ADAM9: variants seen among roughly 807,000 people sequenced by gnomAD.
The protein encoded by ADAM9 is disintegrin and metalloproteinase domain-containing protein 9.
Under a neutral mutation model 108.1 loss-of-function variants are expected in ADAM9, and 54 were observed. The ratio of observed to expected loss-of-function variants is 0.50; its 90% CI spans 0.40 to 0.63. The LOEUF (loss-of-function observed/expected upper bound fraction) is 0.63, where lower values mean the gene tolerates loss of function less well. ADAM9 is among the 20% of genes least tolerant of loss of function. ADAM9 has a pLI of 0.00. For missense variants in ADAM9, 830 were observed against 997.7 expected (o/e 0.83, Z 2.26); for synonymous variants, 316 against 336.0 (o/e 0.94, Z 0.65).
intron 14 of ADAM9, among the ~76,000 whole-genome samples, chr8:39,062,039 A>G (rs558229331): frequency 2.0e-5 from 3 of 152,276 alleles, no homozygotes; most frequent in East Asian, 1.9e-4. Flanking sequence ...AAGATCGCCA[A>G]TCCCATCATA....
Position 39,051,876 on chromosome 8 carries a change from A to G in ADAM9, c.1303-2605A>G, listed in dbSNP as rs541846228. Among the ~76,000 whole-genome samples the G allele has an allele frequency of 7.2e-5, 11 of 152,152 alleles. No homozygotes were observed. The South Asian group carries it at 8.3e-4, about 11-fold the overall frequency. ...TTAATTACTGTAATTAGTGTTTTCTATTGTAAACAGTGCTGCCGTATACAT... is the reference window on the plus strand; with the variant it reads ...TTAATTACTGTAATTAGTGTTTTCTGTTGTAAACAGTGCTGCCGTATACAT... On this transcript the variant is annotated intron_variant, in intron 12 of 21. Coordinates refer to ENST00000487273, the MANE Select transcript of ADAM9 (RefSeq NM_003816.3).
intron 1 of ADAM9, among the ~76,000 whole-genome samples, chr8:38,998,493 C>T (rs1365690103): frequency 1.3e-5 from 2 of 151,986 alleles, no homozygotes; most frequent in Non-Finnish European, 2.9e-5. Context: ...AGTGGAATAT[C>T]CTGATGGTCT....
At chr8:39,091,210 TAG>T in intron 19 of ADAM9, 47 bp from the exon 20 acceptor site, 2 of 1,532,072 alleles carry the variant, frequency 1.3e-6, no homozygotes, top group South Asian at 2.2e-5. Context: ...ATATTTCATG[TAG>T]AAATGTTTTT....
In ADAM9 at chr8:38,997,154, C is replaced by A; in HGVS notation, c.91C>A (p.Arg31=). 3 of 1,598,878 alleles carry A rather than the reference C, an allele frequency of 1.9e-6. No individual in the cohort carries two copies. The highest frequency in any genetic ancestry group is 2.5e-6 in the Non-Finnish European group (3 of 1,178,658). The change falls in exon 1 of 22, where the codon CGG becomes AGG. Residue 31 remains arginine, a synonymous_variant. Transcript: ENST00000487273. The stretch of plus-strand genomic sequence containing the variant: ...GGTGGGCCCAGTCCTCGGTGCGGCG[C>A]GGCCAGGTGGGTGTCCGCGCCCCGG... ...GLVGPVLGAA[R]PGFQQTSHLS... is the part of the protein sequence containing the mutation.
chr8:39,010,726 A>G (rs1836328183), intron 2 of ADAM9, among the ~76,000 whole-genome samples: 1 of 152,152 alleles, frequency 6.6e-6, no homozygotes, highest in South Asian at 2.1e-4. Flanking sequence ...GGATGTGTAT[A>G]TATGTTACTT....
intron 16 of ADAM9, 150 bp from the exon 17 acceptor site, chr8:39,082,491 T>G (rs1419249566): frequency 1.7e-6 from 1 of 605,518 alleles, no homozygotes; most frequent in Non-Finnish European, 2.8e-6. Context: ...TTTTTCTGCA[T>G]TTTTAAAAAT....
Position 39,103,665 on chromosome 8 carries a change from G to C in ADAM9, c.2425G>C (p.Ala809Pro). The change falls in exon 22 of 22, where the codon GCT (alanine) becomes CCT (proline). Residue 809 changes from alanine to proline, a missense_variant. Around this residue, in one of 3 missense-constraint regions of ADAM9, gnomAD observed 238 missense variants for 235.7 expected, o/e 1.01. Coordinates refer to ENST00000487273, the MANE Select transcript of ADAM9 (RefSeq NM_003816.3). ...SQGNLIPARP[A>P]PAPPLYSSLT ...GGGAAACTTAATTCCTGCCCGTCCTGCTCCTGCACCTCCTTTATATAGTTC... is the reference window on the plus strand; with the variant it reads ...GGGAAACTTAATTCCTGCCCGTCCTCCTCCTGCACCTCCTTTATATAGTTC... 2 of 1,613,994 alleles carry C rather than the reference G, an allele frequency of 1.2e-6. No individual in the cohort carries two copies. The highest frequency in any genetic ancestry group is 2.2e-5 in the South Asian group (2 of 91,074).
chr8:39,025,654 T>A, intron 9 of ADAM9, 149 bp from the exon 10 acceptor site: 1 of 674,442 alleles, frequency 1.5e-6, no homozygotes. Context: ...AAGGCATAAG[T>A]ATATTCTGAT....
chr8:39,043,861 A>G (rs1837530311), intron 12 of ADAM9, among the ~76,000 whole-genome samples: 1 of 152,172 alleles, frequency 6.6e-6, no homozygotes, highest in African/African-American at 2.4e-5. Context: ...TCCCACTTAT[A>G]AGTGAGAACA....
At chr8:39,037,934 A>T (rs181312107) in intron 11 of ADAM9, among the ~76,000 whole-genome samples, 1 of 152,230 alleles carries the variant, frequency 6.6e-6, no homozygotes, top group African/African-American at 2.4e-5. Flanking sequence ...ATCTACCCAT[A>T]GTCTTCCCCA....
intron 1 of ADAM9, among the ~76,000 whole-genome samples, chr8:39,006,747 C>CT (rs1407837804): frequency 6.6e-6 from 1 of 151,968 alleles, no homozygotes; most frequent in African/African-American, 2.4e-5. Flanking sequence ...CCAAGCCCTG[C>CT]TTAAGACATC....
In ADAM9 at chr8:39,050,413, G is replaced by A. The variant is rs1837918906; in HGVS notation, c.1303-4068G>A. On this transcript the variant is annotated intron_variant, in intron 12 of 21. Transcript: ENST00000487273. ...CAGTGTGTATATTAGTCTCTTGATG[G>A]TGTCTCATAAGTCCCTTAAGCTTTC... 3.3e-5 allele frequency among the ~76,000 whole-genome samples: 5 copies of A among 150,344 alleles called. No homozygotes were observed. In the South Asian group the frequency reaches 1.1e-3, roughly 32 times the overall value.
At chr8:39,007,216 C>T (rs555207904) in intron 1 of ADAM9, among the ~76,000 whole-genome samples, 3 of 152,192 alleles carry the variant, frequency 2.0e-5, no homozygotes, top group African/African-American at 7.2e-5. Flanking sequence ...CTCTTTTTAA[C>T]AACCAGCTCT....
rs540729717 is a variant in ADAM9 at position 39,032,876 on chromosome 8, GTTC to G, written c.1130+6075_1130+6077del. On this transcript the variant is annotated intron_variant, in intron 11 of 21. Transcript: ENST00000487273. ...CAGGTAGCACCAGTCCTCCAACTTT[GTTC>G]TTCTTCTTTACTATTATATTGGCTA... Among the ~76,000 whole-genome samples the G allele has an allele frequency of 4.7e-3, 718 of 152,284 alleles. 4 individuals carry two copies. Among genetic ancestry groups the G allele is most frequent in the Non-Finnish European group, 7.8e-3 (529 of 68,018 alleles).
chr8:39,084,537 T>A (rs141374896), intron 18 of ADAM9, among the ~76,000 whole-genome samples: 1 of 152,020 alleles, frequency 6.6e-6, no homozygotes, highest in South Asian at 2.1e-4. Flanking sequence ...TGTTACTAAT[T>A]TAAATTTTAC....
At chr8:39,045,124 GTGCATACATACATATATGTGTATATA>G (rs1837626710) in intron 12 of ADAM9, among the ~76,000 whole-genome samples, 1 of 83,150 alleles carries the variant, frequency 1.2e-5, no homozygotes, top group Admixed American at 1.2e-4. Flanking sequence ...ATATGTGTGT[GTGCATACATACATATATGTGTATATA>G]TGTGTATACA....
At chr8:39,026,941 G>A (rs1460391598) in intron 11 of ADAM9, 131 bp downstream of exon 11, 2 of 1,171,434 alleles carry the variant, frequency 1.7e-6, no homozygotes, top group Non-Finnish European at 2.4e-6. Context: ...TTAATTGCAT[G>A]ACATACCAAT....
chr8:39,062,680 C>G (rs1252861331), intron 14 of ADAM9, among the ~76,000 whole-genome samples: 1 of 152,214 alleles, frequency 6.6e-6, no homozygotes, highest in Non-Finnish European at 1.5e-5. Context: ...CTGATACTTT[C>G]ATTGCATTTA....
chr8:39,102,988 G>A (rs1839747672), intron 21 of ADAM9, among the ~76,000 whole-genome samples: 1 of 152,200 alleles, frequency 6.6e-6, no homozygotes, highest in Admixed American at 6.5e-5. Context: ...TTATTATACA[G>A]TAAGAATACA....
Sources: allele counts gnomAD v4.1 joint callset (sites outside exome capture counted in the v4.1 genomes callset), GRCh38; gene constraint gnomAD v4.1.1; regional missense constraint gnomAD v4.1.1; transcripts MANE v1.5; gene names NCBI Gene and HGNC (gene_info 2026-07-23, HGNC 2026-07-21).